The following NCAPH2 variants were observed in gnomAD, a reference collection of about 807,000 sequenced individuals.
NCAPH2 encodes the protein condensin-2 complex subunit H2.
NCAPH2 carries 56 observed loss-of-function variants against 88.6 expected under a neutral mutation model. The observed-to-expected ratio is 0.63, with a 90% CI of 0.51 to 0.79. The LOEUF (loss-of-function observed/expected upper bound fraction) is 0.79, where lower values mean the gene tolerates loss of function less well. NCAPH2 is among the 30% of genes least tolerant of loss of function. NCAPH2 has a pLI of 0.00. For missense variants in NCAPH2, 794 were observed against 792.0 expected (o/e 1.00, Z -0.03); for synonymous variants, 378 against 313.6 (o/e 1.21, Z -2.17).
Position 50,517,491 on chromosome 22 carries a change from T to C in NCAPH2, c.266+9T>C, listed in dbSNP as rs2068956778. On this transcript the variant is annotated intron_variant, in intron 3 of 19. Transcript: ENST00000420993. ...TTCATCTCTGGAAAGAGGTGAGTTC[T>C]GCAGCCACTCACTGTGCTGCCCTGC... is the stretch of plus-strand genomic sequence containing the variant. 3 of 1,614,068 alleles carry C rather than the reference T, an allele frequency of 1.9e-6. No homozygotes were observed. Among genetic ancestry groups the C allele is most frequent in the Non-Finnish European group, 2.5e-6 (3 of 1,180,008 alleles).
intron 1 of NCAPH2, among the ~76,000 whole-genome samples, chr22:50,516,047 G>C (rs2068913275): frequency 6.6e-6 from 1 of 152,144 alleles, no homozygotes. Flanking sequence ...ACTGTTTCCT[G>C]AGTTCTCTGC....
At position 50,522,228 on chromosome 22, in the gene NCAPH2, C is replaced by A. The variant is rs763216370; in HGVS notation, c.1210C>A (p.Leu404Ile). ...ACACGTGAAGGAGCAGTTGGAAACTCTCCGGAAGCTGCAGAGGAGGGAGGC... is the reference window on the plus strand; with the variant it reads ...ACACGTGAAGGAGCAGTTGGAAACTATCCGGAAGCTGCAGAGGAGGGAGGC... ...WTHVKEQLETLRKLQRREVAE... is the reference protein window; with the variant it reads ...WTHVKEQLETIRKLQRREVAE... Residue 404 changes from leucine (L) to isoleucine (I), a missense_variant, in exon 14 of 20, where the codon CTC becomes ATC. Physicochemically the swap from Leu to Ile is conservative, Grantham distance 5. Around this residue, in one of 2 missense-constraint regions of NCAPH2, gnomAD observed 735 missense variants for 696.3 expected, o/e 1.06. Coordinates refer to ENST00000420993, the MANE Select transcript of NCAPH2 (RefSeq NM_152299.4). 1 of 1,613,872 alleles carries A rather than the reference C, an allele frequency of 6.2e-7. No homozygotes were observed. The highest frequency in any genetic ancestry group is 8.5e-7 in the Non-Finnish European group (1 of 1,179,968).
In NCAPH2 at chr22:50,522,536, G is replaced by C. The variant is rs191377365; in HGVS notation, c.1342G>C (p.Glu448Gln). ...FLEPEEYMEP[E>Q]GADPREAADL... ...AGAGCCTGAGGAGTACATGGAGCCCGAGGGAGCAGACCCCAGGGAAGCCGC... is the reference window on the plus strand; with the variant it reads ...AGAGCCTGAGGAGTACATGGAGCCCCAGGGAGCAGACCCCAGGGAAGCCGC... The change falls in exon 16 of 20, where the codon GAG (glutamate) becomes CAG (glutamine). Residue 448 changes from glutamate to glutamine, a missense_variant. This residue lies in a region of NCAPH2 where 735 missense variants were observed against 696.3 expected (regional missense o/e 1.06). Coordinates refer to ENST00000420993, the MANE Select transcript of NCAPH2 (RefSeq NM_152299.4). The C allele has an allele frequency of 6.2e-7, 1 of 1,613,808 alleles. No homozygotes were observed. Among genetic ancestry groups the C allele is most frequent in the South Asian group, 1.1e-5 (1 of 91,076 alleles).
Position 50,522,853 on chromosome 22 carries a change from C to T in NCAPH2, c.1458C>T (p.Val486=), listed in dbSNP as rs1414411428. Residue 486 remains valine, a synonymous_variant, in exon 18 of 20, where the codon GTC becomes GTT. Transcript: ENST00000420993. ...TCATCGCCACCTCCCAGAAGTTTGT[C>T]CAGGAGACAGAGCTGAGCCAGCGCA... The part of the protein sequence containing the change: ...ELFIATSQKF[V]QETELSQRIR... The T allele has an allele frequency of 5.0e-6, 8 of 1,613,376 alleles. No individual in the cohort carries two copies. Among genetic ancestry groups the T allele is most frequent in the Non-Finnish European group, 6.8e-6 (8 of 1,180,016 alleles).
Position 50,517,724 on chromosome 22 carries a change from G to A in NCAPH2, c.352-17G>A. On this transcript the variant is annotated splice_polypyrimidine_tract_variant and intron_variant, in intron 4 of 19. Coordinates refer to ENST00000420993, the MANE Select transcript of NCAPH2 (RefSeq NM_152299.4). ...GTTTGCCTGGGCTCCGCCCCCACGA[G>A]CTCTGTCTCCCTCCAGTTCCTGTCG... 1 of 1,614,076 alleles carries A rather than the reference G, an allele frequency of 6.2e-7. No homozygotes were observed. Among genetic ancestry groups the A allele is most frequent in the Non-Finnish European group, 8.5e-7 (1 of 1,180,030 alleles).
chr22:50,523,919 T>A lies in NCAPH2; in HGVS notation c.*544T>A. 6.2e-7 allele frequency: 1 copy of A among 1,613,480 alleles called. No homozygotes were observed. The highest frequency in any genetic ancestry group is 8.5e-7 in the Non-Finnish European group (1 of 1,179,740). ...TCGTCCCGCTCGGGGTCCACAGTGA[T>A]GAAGACAGGCTGCACTGGAGGCAAA... On this transcript the variant is annotated 3_prime_UTR_variant, in exon 20 of 20. Transcript: ENST00000420993.
At chr22:50,516,573 T>C (rs2068930073) in intron 2 of NCAPH2, 25 bp downstream of exon 2, 11 of 1,610,228 alleles carry the variant, frequency 6.8e-6, no homozygotes, top group South Asian at 1.1e-5. Flanking sequence ...ACGCTGGTCT[T>C]GGCATTTTGG....
intron 1 of NCAPH2, among the ~76,000 whole-genome samples, chr22:50,510,208 A>T (rs1291853510): frequency 6.6e-6 from 1 of 152,062 alleles, no homozygotes; most frequent in African/African-American, 2.4e-5. Context: ...GGCGTGAGCC[A>T]CCGCGCCCGG....
At chr22:50,517,022 T>C (rs933424464) in intron 2 of NCAPH2, among the ~76,000 whole-genome samples, 2 of 152,100 alleles carry the variant, frequency 1.3e-5, no homozygotes, top group African/African-American at 4.8e-5. Context: ...GAGGAGGGGC[T>C]GGGGTGATGC....
In NCAPH2 at chr22:50,515,602, T is replaced by C. The variant is rs985738445; in HGVS notation, c.109-845T>C. 26 of 712,668 alleles carry C rather than the reference T, an allele frequency of 3.6e-5. 1 individual carries two copies. The highest frequency in any genetic ancestry group is 1.1e-3 in the Middle Eastern group (2 of 1,826). The allele number at this position is 712,668 out of a possible 1,614,324, so 44.1% of individuals were successfully genotyped here. On this transcript the variant is annotated intron_variant, in intron 1 of 19. Coordinates refer to ENST00000420993, the MANE Select transcript of NCAPH2 (RefSeq NM_152299.4). ...TAGTAGAGACGAGGTTTCACCGTGT[T>C]AGCCAGGATGGTCTCGATCTCCTGA...
chr22:50,518,644 C>G lies in NCAPH2; in HGVS notation c.647-5C>G. On this transcript the variant is annotated splice_polypyrimidine_tract_variant and splice_region_variant and intron_variant, in intron 7 of 19. Transcript: ENST00000420993. ...CTGACCTTGTCTGATCCCTGTCTCT[C>G]CCAGACACCGGGAGGACTGAGGAGC... The G allele has an allele frequency of 1.2e-6, 2 of 1,603,326 alleles. No individual in the cohort carries two copies. The highest frequency in any genetic ancestry group is 2.0e-4 in the Middle Eastern group (1 of 5,050).
chr22:50,508,857 C>T (rs932895813), intron 1 of NCAPH2, among the ~76,000 whole-genome samples: 2 of 152,218 alleles, frequency 1.3e-5, no homozygotes, highest in African/African-American at 2.4e-5. Context: ...CAAGCTATTG[C>T]CATGCTCTAT....
intron 5 of NCAPH2, 80 bp from the exon 6 acceptor site, chr22:50,517,893 G>A (rs2068973035): frequency 1.9e-6 from 3 of 1,602,752 alleles, no homozygotes; most frequent in Admixed American, 3.3e-5. Flanking sequence ...GGTGTGGGAA[G>A]GTGTCATTGC....
chr22:50,520,459 G>A (rs900008979), intron 9 of NCAPH2: 1 of 150,878 alleles, frequency 6.6e-6, no homozygotes, highest in East Asian at 2.0e-4. Flanking sequence ...TCACTGCATT[G>A]CCCAGGCTGG....
Position 50,517,580 on chromosome 22 carries a change from G to A in NCAPH2, c.270G>A (p.Arg90=), listed in dbSNP as rs1223713601. 7 of 1,614,042 alleles carry A rather than the reference G, an allele frequency of 4.3e-6. No individual in the cohort carries two copies. The highest frequency in any genetic ancestry group is 1.7e-5 in the Admixed American group (1 of 60,030). ...QALDFISGKR[R]AKQLSSVQED... ...ACGGGATGTGCTTCTCTCTCAGGCG[G>A]GCCAAGCAGCTCTCTTCGGTGCAGG... is the stretch of plus-strand genomic sequence containing the variant. The change falls in exon 4 of 20, where the codon CGG becomes CGA. Residue 90 remains arginine, a synonymous_variant. Transcript: ENST00000420993.
intron 7 of NCAPH2, 61 bp from the exon 8 acceptor site, chr22:50,518,588 C>G: frequency 3.3e-6 from 5 of 1,496,430 alleles, no homozygotes; most frequent in Non-Finnish European, 4.5e-6. Flanking sequence ...TGTTGAACAC[C>G]GGGCAGGGAC....
chr22:50,516,605 G>A, intron 2 of NCAPH2, 57 bp downstream of exon 2: 2 of 1,529,282 alleles, frequency 1.3e-6, no homozygotes, highest in Non-Finnish European at 9.0e-7. Flanking sequence ...ACCACAGTCG[G>A]CTCTCCTTCT....
intron 1 of NCAPH2, among the ~76,000 whole-genome samples, chr22:50,509,300 A>G (rs560593866): frequency 6.6e-6 from 1 of 152,248 alleles, no homozygotes; most frequent in African/African-American, 2.4e-5. Context: ...CTCCAAATCT[A>G]CTTTACATAT....
chr22:50,510,924 G>A (rs1386245890), intron 1 of NCAPH2, among the ~76,000 whole-genome samples: 1 of 150,808 alleles, frequency 6.6e-6, no homozygotes, highest in Non-Finnish European at 1.5e-5. Flanking sequence ...TCAGCTCACT[G>A]CAAGCTCTGC....
Sources: allele counts gnomAD v4.1 joint callset (sites outside exome capture counted in the v4.1 genomes callset), GRCh38; gene constraint gnomAD v4.1.1; regional missense constraint gnomAD v4.1.1; transcripts MANE v1.5; gene names NCBI Gene and HGNC (gene_info 2026-07-23, HGNC 2026-07-21).